NT5DC1: variants seen among roughly 807,000 people sequenced by gnomAD.
The protein encoded by NT5DC1 is 5'-nucleotidase domain-containing protein 1.
Under a neutral mutation model 59.4 loss-of-function variants are expected in NT5DC1, and 42 were observed. The observed-to-expected ratio is 0.71, with a 90% CI of 0.55 to 0.92. The LOEUF is 0.92. Ranked by LOEUF, NT5DC1 falls within the 40% of genes least tolerant of loss-of-function variation. The probability of loss-of-function intolerance (pLI) is 0.00; values close to 1 mark genes in which losing one functional copy is unlikely to be tolerated. For missense variants in NT5DC1, 501 were observed against 537.1 expected, an observed-to-expected ratio of 0.93 and a Z score of 0.66; for synonymous variants, 172 against 188.1, an observed-to-expected ratio of 0.91 and a Z score of 0.70.
rs765612980 is a variant in NT5DC1, at chr6:116,120,175, A to G, written c.529+2230A>G. ...TGGGAAGCTGGAGCCACACCTGGTC[A>G]TTTTCTGTGAGATCGATGATGGCAC... On this transcript the variant is annotated intron_variant, in intron 6 of 11. Coordinates refer to ENST00000319550, the MANE Select transcript of NT5DC1 (RefSeq NM_152729.3). 5 of 1,614,002 alleles carry G rather than the reference A, an allele frequency of 3.1e-6. No individual in the cohort carries two copies. The Admixed American group carries it at 5.0e-5, about 16-fold the overall frequency.
rs561777178 is a variant in NT5DC1 at position 116,224,012 on chromosome 6, TAA to T, written c.802+882_802+883del. Among the ~76,000 whole-genome samples the T allele has an allele frequency of 6.5e-3, 991 of 152,292 alleles. 7 individuals carry two copies. Among genetic ancestry groups the T allele is most frequent in the Non-Finnish European group, 9.6e-3 (653 of 68,014 alleles). On this transcript the variant is annotated intron_variant, in intron 8 of 11. Coordinates refer to ENST00000319550, the MANE Select transcript of NT5DC1 (RefSeq NM_152729.3). ...ATGCATATTATATGCAAAATATATA[TAA>T]GTGTCCACCATAATATATGATTTAT... is the stretch of plus-strand genomic sequence containing the variant.
intron 6 of NT5DC1, among the ~76,000 whole-genome samples, chr6:116,206,100 A>T (rs1159870116): frequency 1.3e-5 from 2 of 151,956 alleles, no homozygotes; most frequent in African/African-American, 4.8e-5. Context: ...GGGTTTTTTC[A>T]TAGCATATGT....
chr6:116,111,719 G>T (rs528380163), intron 4 of NT5DC1, among the ~76,000 whole-genome samples: 9 of 152,250 alleles, frequency 5.9e-5, no homozygotes, highest in African/African-American at 2.2e-4. Context: ...TGTTATATTT[G>T]CTATCTTTTG....
intron 8 of NT5DC1, among the ~76,000 whole-genome samples, chr6:116,223,420 A>G (rs528766639): frequency 6.6e-6 from 1 of 152,358 alleles, no homozygotes; most frequent in Non-Finnish European, 1.5e-5. Context: ...CTTGTGATAA[A>G]TCAGTCAAGT....
At chr6:116,134,197 G>T (rs753301671) in intron 6 of NT5DC1, among the ~76,000 whole-genome samples, 1 of 152,190 alleles carries the variant, frequency 6.6e-6, no homozygotes. Context: ...TCTGATATTA[G>T]ACAGTCTTCT....
chr6:116,231,707 A>C (rs1782024266), intron 8 of NT5DC1, among the ~76,000 whole-genome samples: 1 of 152,230 alleles, frequency 6.6e-6, no homozygotes, highest in African/African-American at 2.4e-5. Context: ...TTGTAACAGA[A>C]AAACATTGGC....
intron 6 of NT5DC1, among the ~76,000 whole-genome samples, chr6:116,131,587 C>G (rs1480296553): frequency 6.6e-6 from 1 of 152,106 alleles, no homozygotes; most frequent in East Asian, 1.9e-4. Flanking sequence ...TCATGGTACT[C>G]CATTGTATAG....
intron 6 of NT5DC1, among the ~76,000 whole-genome samples, chr6:116,156,937 A>G (rs552654536): frequency 4.3e-4 from 65 of 152,188 alleles, no homozygotes; most frequent in South Asian, 3.5e-3. Flanking sequence ...TGCATTGACC[A>G]GCCACTCACT....
intron 6 of NT5DC1, among the ~76,000 whole-genome samples, chr6:116,208,967 A>T (rs1781516711): frequency 6.6e-6 from 1 of 151,974 alleles, no homozygotes; most frequent in Admixed American, 6.6e-5. Context: ...ACATAAAGGT[A>T]TTTATGTTGT....
intron 11 of NT5DC1, among the ~76,000 whole-genome samples, chr6:116,242,715 C>T (rs1439328208): frequency 6.6e-6 from 1 of 152,140 alleles, no homozygotes; most frequent in African/African-American, 2.4e-5. Context: ...AGAAAACATC[C>T]ACTCTCCTTT....
intron 6 of NT5DC1, among the ~76,000 whole-genome samples, chr6:116,178,098 C>T (rs112673277): frequency 0.047 from 4,395 of 93,424 alleles, 101 homozygotes; most frequent in South Asian, 0.071. Flanking sequence ...TGCGCGCGCG[C>T]GCGCGTGCGT....
intron 6 of NT5DC1, chr6:116,120,635 G>A: frequency 1.3e-6 from 2 of 1,551,026 alleles, no homozygotes; most frequent in South Asian, 2.5e-5. Context: ...TGGACCTGGA[G>A]GCCCTGGTGG....
chr6:116,158,457 T>A (rs1780254229), intron 6 of NT5DC1, among the ~76,000 whole-genome samples: 1 of 152,208 alleles, frequency 6.6e-6, no homozygotes, highest in African/African-American at 2.4e-5. Flanking sequence ...CTTAGCAATC[T>A]TATGAGACAC....
Position 116,237,063 on chromosome 6 carries a change from G to T in NT5DC1, c.900G>T (p.Met300Ile). Residue 300 changes from methionine to isoleucine, a missense_variant, in exon 9 of 12, where the codon ATG becomes ATT. Physicochemically the swap from Met to Ile is conservative, Grantham distance 10. Coordinates refer to ENST00000319550, the MANE Select transcript of NT5DC1 (RefSeq NM_152729.3). ...AVHLYELLKK[M>I]TGKPEPKVVY... ...ACCTCTATGAACTTCTGAAGAAAAT[G>T]ACTGGCAAACCTGAACCCAAGGTAT... 1 of 1,610,512 alleles carries T rather than the reference G, an allele frequency of 6.2e-7. No homozygotes were observed. Among genetic ancestry groups the T allele is most frequent in the South Asian group, 1.1e-5 (1 of 90,912 alleles).
intron 6 of NT5DC1, among the ~76,000 whole-genome samples, chr6:116,220,674 G>A (rs1373961873): frequency 6.6e-6 from 1 of 152,084 alleles, no homozygotes; most frequent in Non-Finnish European, 1.5e-5. Flanking sequence ...TTTGTTTCTT[G>A]TCTGTATTCA....
chr6:116,168,062 G>A (rs371730077), intron 6 of NT5DC1, among the ~76,000 whole-genome samples: 6 of 144,032 alleles, frequency 4.2e-5, no homozygotes, highest in Admixed American at 1.4e-4. Flanking sequence ...TTTCATCTTC[G>A]ATTTATGATG....
intron 6 of NT5DC1, among the ~76,000 whole-genome samples, chr6:116,155,316 C>A (rs1244600624): frequency 6.6e-6 from 1 of 152,080 alleles, no homozygotes; most frequent in African/African-American, 2.4e-5. Flanking sequence ...AATAATCTTT[C>A]TTATTATTAA....
intron 6 of NT5DC1, chr6:116,120,828 T>A (rs755195361): frequency 6.2e-7 from 1 of 1,613,936 alleles, no homozygotes; most frequent in South Asian, 1.1e-5. Flanking sequence ...GGCATTCCCT[T>A]TGCTCCTGCT....
chr6:116,126,193 C>G (rs9488843), intron 6 of NT5DC1: 40,149 of 152,106 alleles, frequency 0.26, 5,754 homozygotes, highest in Middle Eastern at 0.36. Context: ...TGAGGTTACC[C>G]TGAGCTTAAG....
Sources: gnomAD v4.1 joint callset for allele counts (sites outside exome capture counted in the v4.1 genomes callset) on GRCh38, gnomAD v4.1.1 for gene constraint, MANE v1.5 for transcripts, NCBI Gene and HGNC (gene_info 2026-07-23, HGNC 2026-07-21) for gene names.